PEG3: variants seen among roughly 807,000 people sequenced by gnomAD.
PEG3 encodes paternally expressed 3.
A neutral mutation model predicts 35.5 loss-of-function variants in PEG3; 23 were observed. That is an observed-to-expected ratio of 0.65 (90% CI 0.47 to 0.92). PEG3 has a LOEUF of 0.92. Ranked by LOEUF, PEG3 falls within the 40% of genes least tolerant of loss-of-function variation. PEG3 has a pLI of 0.00. For synonymous variants in PEG3, 707 were observed against 697.0 expected (o/e 1.01, Z -0.23); for missense variants, 1,960 against 1,985.3 (o/e 0.99, Z 0.24).
Position 56,815,373 on chromosome 19 carries a change from CT to C in PEG3, c.3068del (p.Gln1023ArgfsTer122). On this transcript the variant is annotated frameshift_variant, in exon 10 of 10. Transcript: ENST00000326441. LOFTEE classifies it low-confidence loss of function (END_TRUNC). ...TDPQTSYAQE[Q>X]YAKEQARNKC... is the part of the protein sequence containing the mutation. Reference sequence around the variant, plus strand: ...TGTTCCGCGCTTGCTCTTTAGCATACTGCTCTTGGGCGTAACTTGTTTGAGG... The same window carrying C: ...TGTTCCGCGCTTGCTCTTTAGCATACGCTCTTGGGCGTAACTTGTTTGAGG... The C allele has an allele frequency of 6.2e-7, 1 of 1,614,236 alleles. No individual in the cohort carries two copies. Among genetic ancestry groups the C allele is most frequent in the Non-Finnish European group, 8.5e-7 (1 of 1,180,042 alleles).
At chr19:56,818,395 T>C (rs1287564650) in intron 8 of PEG3, among the ~76,000 whole-genome samples, 1 of 152,198 alleles carries the variant, frequency 6.6e-6, no homozygotes, top group African/African-American at 2.4e-5. Flanking sequence ...CCCTGTACAA[T>C]GTATCTTTAC....
rs764791278 is a variant in PEG3 at position 56,822,734 on chromosome 19, G to C, written c.565+19C>G. 6.2e-7 allele frequency: 1 copy of C among 1,613,584 alleles called. No homozygotes were observed. The highest frequency in any genetic ancestry group is 8.5e-7 in the Non-Finnish European group (1 of 1,179,818). On this transcript the variant is annotated intron_variant, in intron 6 of 9. Transcript: ENST00000326441. ...ATGCTCTATATCTCCTACTGGGAAA[G>C]AAAGTGGTTAAGACTCACTGCTTCT...
rs1279164616 is a variant in PEG3, at chr19:56,811,637, A to G, written c.*2038T>C. 1 of 984,946 alleles carries G rather than the reference A, an allele frequency of 1.0e-6. No individual in the cohort carries two copies. The highest frequency in any genetic ancestry group is 1.8e-5 in the African/African-American group (1 of 57,070). 61.0% of individuals were successfully genotyped at this position (984,946 alleles called of 1,614,324 possible). ...TGTTAACACCAAGTAATGTACCCAC[A>G]AAGTTCACCCCGACATCAACACTGA... is the stretch of plus-strand genomic sequence containing the variant. On this transcript the variant is annotated 3_prime_UTR_variant, in exon 10 of 10. Coordinates refer to ENST00000326441, the MANE Select transcript of PEG3 (RefSeq NM_006210.3).
Position 56,816,405 on chromosome 19 carries a change from G to A in PEG3, c.2037C>T (p.Tyr679=). Residue 679 remains tyrosine, a synonymous_variant, in exon 10 of 10, where the codon TAC becomes TAT. Transcript: ENST00000326441. The stretch of plus-strand genomic sequence containing the variant: ...TAAAGTCACAGAGCTTCTCCTTATT[G>A]TAAGTTTTCTGACGCCTTTTAAGGG... ...GQSLKRRQKT[Y]NKEKLCDFTD... 10 of 1,613,890 alleles carry A rather than the reference G, an allele frequency of 6.2e-6. No homozygotes were observed. Among genetic ancestry groups the A allele is most frequent in the Non-Finnish European group, 8.5e-6 (10 of 1,179,810 alleles).
At chr19:56,835,349 CA>C (rs961004695) in intron 2 of PEG3, among the ~76,000 whole-genome samples, 30 of 152,216 alleles carry the variant, frequency 2.0e-4, no homozygotes, top group Admixed American at 1.0e-3. Context: ...CTTCCTACCT[CA>C]ATCAGATGCC....
intron 2 of PEG3, among the ~76,000 whole-genome samples, chr19:56,830,082 G>A (rs1481071158): frequency 2.0e-5 from 3 of 152,242 alleles, no homozygotes; most frequent in African/African-American, 7.2e-5. Context: ...AATCAGAGCT[G>A]TGCTTGAAGA....
rs148561106 is a variant in PEG3 at position 56,829,980 on chromosome 19, T to C, written c.-162-3517A>G. On this transcript the variant is annotated intron_variant, in intron 2 of 9. Transcript: ENST00000326441. ...CTGAGAGGAAGAAAGGTCTAAAGGC[T>C]TGCCTGATGCTATCAAATGAAATAT... Among the ~76,000 whole-genome samples, 307 of 152,350 alleles carry C rather than the reference T, an allele frequency of 2.0e-3. 2 individuals carry two copies. The highest frequency in any genetic ancestry group is 7.2e-3 in the African/African-American group (300 of 41,584).
In PEG3 at chr19:56,810,208, CTT is replaced by C; in HGVS notation, c.*3465_*3466del. On this transcript the variant is annotated 3_prime_UTR_variant, in exon 10 of 10. Transcript: ENST00000326441. Reference sequence around the variant, plus strand: ...AATATATCAAGATGTTAACCACACTCTTTGGATGGTGAAAACATGGGTGAGTT... The same window carrying C: ...AATATATCAAGATGTTAACCACACTCTGGATGGTGAAAACATGGGTGAGTT... The C allele has an allele frequency of 1.0e-6, 1 of 982,482 alleles. No individual in the cohort carries two copies. The highest frequency in any genetic ancestry group is 1.7e-5 in the African/African-American group (1 of 57,290). 60.9% of individuals were successfully genotyped at this position (982,482 alleles called of 1,614,324 possible).
intron 2 of PEG3, among the ~76,000 whole-genome samples, chr19:56,827,627 T>G (rs1342307471): frequency 6.6e-6 from 1 of 152,230 alleles, no homozygotes; most frequent in African/African-American, 2.4e-5. Flanking sequence ...CTCCTACAAA[T>G]TCTACTTCTA....
chr19:56,815,316 G>T lies in PEG3; in HGVS notation c.3126C>A (p.Thr1042=), dbSNP rs550298824. ...KCKDFRQFFA[T]SEDLNTNQKI... ...TCTGGTTTGTGTTGAGGTCTTCGCT[G>T]GTAGCAAAAAATTGTCTGAAGTCCT... is the stretch of plus-strand genomic sequence containing the variant. The change falls in exon 10 of 10, where the codon ACC becomes ACA. Residue 1042 remains threonine, a synonymous_variant. Coordinates refer to ENST00000326441, the MANE Select transcript of PEG3 (RefSeq NM_006210.3). 6.2e-7 allele frequency: 1 copy of T among 1,614,160 alleles called. No individual in the cohort carries two copies.
At chr19:56,820,294 C>A (rs2060355500) in intron 7 of PEG3, among the ~76,000 whole-genome samples, 1 of 152,216 alleles carries the variant, frequency 6.6e-6, no homozygotes, top group African/African-American at 2.4e-5. Context: ...TTGTGTACAC[C>A]TTCAAAATGT....
intron 1 of PEG3, among the ~76,000 whole-genome samples, chr19:56,836,969 CAAAA>C (rs573566620): frequency 2.8e-4 from 33 of 116,944 alleles, no homozygotes; most frequent in African/African-American, 8.8e-4. Context: ...GACTCTGTCT[CAAAA>C]AAAAAAAAAA....
At position 56,815,439 on chromosome 19, in the gene PEG3, G is replaced by A. The variant is rs1386599065; in HGVS notation, c.3003C>T (p.Asn1001=). The part of the protein sequence containing the change: ...HDREKPSGSR[N]YEWSVIRSLA... ...AGCTGCGAATGACAGACCATTCATA[G>A]TTTCTGCTTCCAGAGGGCTTCTCCC... is the stretch of plus-strand genomic sequence containing the variant. The change falls in exon 10 of 10, where the codon AAC becomes AAT. Residue 1001 remains asparagine (N), a synonymous_variant. Coordinates refer to ENST00000326441, the MANE Select transcript of PEG3 (RefSeq NM_006210.3). 2.5e-6 allele frequency: 4 copies of A among 1,614,010 alleles called. No individual in the cohort carries two copies. The highest frequency in any genetic ancestry group is 1.3e-5 in the African/African-American group (1 of 74,934).
intron 2 of PEG3, among the ~76,000 whole-genome samples, chr19:56,834,903 T>C (rs1568722238): frequency 6.6e-6 from 1 of 152,236 alleles, no homozygotes; most frequent in East Asian, 1.9e-4. Flanking sequence ...AAGCCTGGCA[T>C]GATCCTGTCC....
Position 56,810,485 on chromosome 19 carries a change from A to G in PEG3, c.*3190T>C. On this transcript the variant is annotated 3_prime_UTR_variant, in exon 10 of 10. Coordinates refer to ENST00000326441, the MANE Select transcript of PEG3 (RefSeq NM_006210.3). ...TAATCACAGACTAGTGCACAGATCA[A>G]GATGTTAACAGTTAATTGTTGTTGG... The G allele has an allele frequency of 1.0e-6, 1 of 985,164 alleles. No individual in the cohort carries two copies. Among genetic ancestry groups the G allele is most frequent in the African/African-American group, 1.7e-5 (1 of 57,370 alleles). The allele number at this position is 985,164 out of a possible 1,614,324, so 61.0% of individuals were successfully genotyped here.
Position 56,810,706 on chromosome 19 carries a change from A to T in PEG3, c.*2969T>A. The T allele has an allele frequency of 1.0e-6, 1 of 983,692 alleles. No individual in the cohort carries two copies. The highest frequency in any genetic ancestry group is 1.2e-6 in the Non-Finnish European group (1 of 828,358). 60.9% of individuals were successfully genotyped at this position (983,692 alleles called of 1,614,324 possible). On this transcript the variant is annotated 3_prime_UTR_variant, in exon 10 of 10. Coordinates refer to ENST00000326441, the MANE Select transcript of PEG3 (RefSeq NM_006210.3). ...TTTTAGTTATTTTCCACATCTTTTCATTTAAGACTTTATGCACACATATTT... is the reference window on the plus strand; with the variant it reads ...TTTTAGTTATTTTCCACATCTTTTCTTTTAAGACTTTATGCACACATATTT...
intron 2 of PEG3, among the ~76,000 whole-genome samples, chr19:56,828,258 T>C: frequency 6.6e-6 from 1 of 152,170 alleles, no homozygotes; most frequent in East Asian, 1.9e-4. Context: ...AAAGTCAATT[T>C]AGAAAACCCT....
At position 56,812,617 on chromosome 19, in the gene PEG3, A is replaced by T. The variant is rs1048751563; in HGVS notation, c.*1058T>A. 2 of 985,828 alleles carry T rather than the reference A, an allele frequency of 2.0e-6. No individual in the cohort carries two copies. The highest frequency in any genetic ancestry group is 2.4e-6 in the Non-Finnish European group (2 of 829,930). 61.1% of individuals were successfully genotyped at this position (985,828 alleles called of 1,614,324 possible). A position where few individuals can be genotyped will look rare whatever the true frequency, so the allele number is the denominator to read the frequency against. ...ACTTGTCACTTAAGGCAGGAAGCGC[A>T]CAAAGGAAGTGATGAAAGGTTATTA... On this transcript the variant is annotated 3_prime_UTR_variant, in exon 10 of 10. Coordinates refer to ENST00000326441, the MANE Select transcript of PEG3 (RefSeq NM_006210.3).
Position 56,810,891 on chromosome 19 carries a change from GACACACATAAT to G in PEG3, c.*2773_*2783del, listed in dbSNP as rs1484665464. 1 of 963,836 alleles carries G rather than the reference GACACACATAAT, an allele frequency of 1.0e-6. No individual in the cohort carries two copies. The highest frequency in any genetic ancestry group is 1.2e-6 in the Non-Finnish European group (1 of 810,522). The allele number at this position is 963,836 out of a possible 1,614,324, so 59.7% of individuals were successfully genotyped here. A position where few individuals can be genotyped will look rare whatever the true frequency, so the allele number is the denominator to read the frequency against. On this transcript the variant is annotated 3_prime_UTR_variant, in exon 10 of 10. Transcript: ENST00000326441. ...GGTATGTATTATGCACACCAATGGA[GACACACATAAT>G]ACACTGTTATCAGGACATTATTATA...
Sources: gnomAD v4.1 joint callset for allele counts (sites outside exome capture counted in the v4.1 genomes callset) on GRCh38, gnomAD v4.1.1 for gene constraint, MANE v1.5 for transcripts, NCBI Gene and HGNC (gene_info 2026-07-23, HGNC 2026-07-21) for gene names.